DIAPH3: variants seen among roughly 807,000 people sequenced by gnomAD.
DIAPH3 encodes the protein protein diaphanous homolog 3.
In DIAPH3, 117 loss-of-function variants were observed where a neutral mutation model predicts 144.3. The ratio of observed to expected loss-of-function variants is 0.81; its 90% CI spans 0.70 to 0.95. DIAPH3 has a LOEUF of 0.95. DIAPH3 is among the 40% of genes least tolerant of loss of function. DIAPH3 has a pLI of 0.00. For missense variants in DIAPH3, 1,421 were observed against 1,412.7 expected (o/e 1.01, Z -0.09); for synonymous variants, 519 against 488.9 (o/e 1.06, Z -0.81).
At chr13:59,677,977 A>G (rs1264655335) in intron 27 of DIAPH3, among the ~76,000 whole-genome samples, 2 of 152,116 alleles carry the variant, frequency 1.3e-5, no homozygotes, top group Admixed American at 6.6e-5. Context: ...GCATGGGGAG[A>G]CTGGGTTACC....
At chr13:59,875,272 G>C (rs1052664638) in intron 21 of DIAPH3, among the ~76,000 whole-genome samples, 2 of 152,102 alleles carry the variant, frequency 1.3e-5, no homozygotes, top group Non-Finnish European at 2.9e-5. Context: ...CTGAAGTTCA[G>C]TACTACATTT....
At chr13:59,842,845 GCA>G (rs2042423410) in intron 22 of DIAPH3, among the ~76,000 whole-genome samples, 3 of 152,062 alleles carry the variant, frequency 2.0e-5, no homozygotes, top group Admixed American at 1.3e-4. Flanking sequence ...CGGGGGTGGT[GCA>G]CAGTTTCACT....
At chr13:59,846,596 A>C (rs2042645777) in intron 22 of DIAPH3, among the ~76,000 whole-genome samples, 1 of 151,916 alleles carries the variant, frequency 6.6e-6, no homozygotes, top group African/African-American at 2.4e-5. Flanking sequence ...AGGTGGTCCA[A>C]AACAAACCTC....
chr13:59,947,251 C>G lies in DIAPH3; in HGVS notation c.2075-22381G>C, dbSNP rs531352984. On this transcript the variant is annotated intron_variant, in intron 17 of 27. Coordinates refer to ENST00000400324, the MANE Select transcript of DIAPH3 (RefSeq NM_001042517.2). ...GAACATTCTCATAGATTATGGGGTA[C>G]TGTAATGCATTACAATTAGTAAAAG... Among the ~76,000 whole-genome samples the G allele has an allele frequency of 2.6e-5, 4 of 152,220 alleles. No individual in the cohort carries two copies. In the East Asian group the frequency reaches 7.7e-4, roughly 29 times the overall value.
intron 25 of DIAPH3, among the ~76,000 whole-genome samples, chr13:59,794,798 C>T (rs1204142403): frequency 6.6e-6 from 1 of 152,190 alleles, no homozygotes; most frequent in Non-Finnish European, 1.5e-5. Flanking sequence ...AACCAGCTAC[C>T]ATGCCCAGCC....
chr13:59,702,748 G>C (rs2138763158), intron 27 of DIAPH3, among the ~76,000 whole-genome samples: 1 of 152,226 alleles, frequency 6.6e-6, no homozygotes, highest in East Asian at 1.9e-4. Flanking sequence ...ACTATATCAA[G>C]GCTTTATATG....
chr13:59,818,171 A>G (rs1311548476), intron 24 of DIAPH3, among the ~76,000 whole-genome samples: 1 of 151,928 alleles, frequency 6.6e-6, no homozygotes, highest in Non-Finnish European at 1.5e-5. Context: ...GTTGCCACAG[A>G]GACTGTATTG....
At position 60,024,335 on chromosome 13, in the gene DIAPH3, A is replaced by C. The variant is rs530419315; in HGVS notation, c.627-8190T>G. 1.3e-4 allele frequency among the ~76,000 whole-genome samples: 20 copies of C among 152,252 alleles called. No individual in the cohort carries two copies. The South Asian group carries it at 4.2e-3, about 32-fold the overall frequency. ...GACTATATACTTTCTATCATTCTATAGTCCAGTTCACTAATTCTCTCCTTT... is the reference window on the plus strand; with the variant it reads ...GACTATATACTTTCTATCATTCTATCGTCCAGTTCACTAATTCTCTCCTTT... On this transcript the variant is annotated intron_variant, in intron 5 of 27. Transcript: ENST00000400324.
chr13:59,900,814 C>T (rs1442883196), intron 20 of DIAPH3, among the ~76,000 whole-genome samples: 1 of 152,160 alleles, frequency 6.6e-6, no homozygotes, highest in Non-Finnish European at 1.5e-5. Context: ...ACTAAGAGGT[C>T]AACAGACCCT....
chr13:59,838,010 T>A (rs976402979), intron 23 of DIAPH3: 2 of 152,112 alleles, frequency 1.3e-5, no homozygotes, highest in African/African-American at 2.4e-5. Flanking sequence ...AAGCCAAATA[T>A]TAATTTTGTG....
chr13:59,890,882 C>G (rs2045748570), intron 20 of DIAPH3, among the ~76,000 whole-genome samples: 1 of 146,064 alleles, frequency 6.8e-6, no homozygotes, highest in African/African-American at 2.4e-5. Context: ...TAGAAAAATA[C>G]AGAATCTACT....
At chr13:59,739,263 C>T (rs373745397) in intron 27 of DIAPH3, among the ~76,000 whole-genome samples, 4 of 152,266 alleles carry the variant, frequency 2.6e-5, no homozygotes, top group Middle Eastern at 3.4e-3. Context: ...AATTGCAGTT[C>T]GAATCTTGAA....
At chr13:60,061,232 G>T (rs4531624) in intron 4 of DIAPH3, among the ~76,000 whole-genome samples, 114,372 of 151,878 alleles carry the variant, frequency 0.75, 43,200 homozygotes, top group Admixed American at 0.81. Context: ...TTAGGAGCTA[G>T]ATGTCCACAT....
At chr13:60,130,432 C>T (rs887238158) in intron 2 of DIAPH3, among the ~76,000 whole-genome samples, 1 of 152,128 alleles carries the variant, frequency 6.6e-6, no homozygotes, top group Non-Finnish European at 1.5e-5. Flanking sequence ...AATGAGGAAT[C>T]CAGGAGAGAC....
chr13:59,817,037 CTTTTAA>C (rs913342404), intron 24 of DIAPH3, among the ~76,000 whole-genome samples: 18 of 151,654 alleles, frequency 1.2e-4, no homozygotes, highest in African/African-American at 3.6e-4. Context: ...AAATTTCATC[CTTTTAA>C]TTTTATTTCT....
chr13:60,127,990 T>C (rs2059032796), intron 2 of DIAPH3, among the ~76,000 whole-genome samples: 1 of 152,094 alleles, frequency 6.6e-6, no homozygotes, highest in Non-Finnish European at 1.5e-5. Flanking sequence ...GTTGTACAGA[T>C]TATTTCAGCC....
chr13:59,759,933 G>A (rs989288326), intron 27 of DIAPH3, among the ~76,000 whole-genome samples: 5 of 150,876 alleles, frequency 3.3e-5, no homozygotes, highest in Non-Finnish European at 2.9e-5. Context: ...GGGAGACAGT[G>A]TGAGACTCCA....
chr13:59,908,917 C>T (rs2046864519), intron 20 of DIAPH3, among the ~76,000 whole-genome samples: 1 of 152,112 alleles, frequency 6.6e-6, no homozygotes, highest in Non-Finnish European at 1.5e-5. Context: ...AGCACTAACA[C>T]TACCCCAAAC....
At chr13:60,003,877 G>A (rs1232148719) in intron 9 of DIAPH3, among the ~76,000 whole-genome samples, 4 of 152,110 alleles carry the variant, frequency 2.6e-5, no homozygotes, top group Admixed American at 6.6e-5. Context: ...ACCACGCACG[G>A]CCCCTGATAA....
Sources: gnomAD v4.1 joint callset for allele counts (sites outside exome capture counted in the v4.1 genomes callset) on GRCh38, gnomAD v4.1.1 for gene constraint, MANE v1.5 for transcripts, NCBI Gene and HGNC (gene_info 2026-07-23, HGNC 2026-07-21) for gene names.